Variants in STX8 observed in about 807,000 individuals in gnomAD.
STX8 encodes syntaxin 8.
STX8 carries 23 observed loss-of-function variants against 37.5 expected under a neutral mutation model. That is an observed-to-expected ratio of 0.61 (90% CI 0.44 to 0.87). The LOEUF is 0.87. Ranked by LOEUF, STX8 falls within the 40% of genes least tolerant of loss-of-function variation. The pLI is 0.00. For missense variants in STX8, 313 were observed against 284.7 expected (o/e 1.10, Z -0.71); for synonymous variants, 115 against 99.1 (o/e 1.16, Z -0.95).
chr17:9,495,707 A>C (rs1438266325), intron 5 of STX8, among the ~76,000 whole-genome samples: 1 of 152,198 alleles, frequency 6.6e-6, no homozygotes, highest in Non-Finnish European at 1.5e-5. Context: ...TGCTGCAGTA[A>C]ATTTTCATTA....
At chr17:9,528,337 C>T (rs971975210) in intron 4 of STX8, among the ~76,000 whole-genome samples, 2 of 152,222 alleles carry the variant, frequency 1.3e-5, no homozygotes, top group Non-Finnish European at 2.9e-5. Flanking sequence ...CTCGCTCTGT[C>T]GCCAGGCTGG....
At chr17:9,452,803 G>C (rs1192205352) in intron 6 of STX8, among the ~76,000 whole-genome samples, 1 of 133,838 alleles carries the variant, frequency 7.5e-6, no homozygotes, top group African/African-American at 3.0e-5. Context: ...GATGGCCCTT[G>C]TTTTTTTTTC....
At chr17:9,298,818 CAAACA>C (rs538393281) in intron 7 of STX8, among the ~76,000 whole-genome samples, 11 of 152,234 alleles carry the variant, frequency 7.2e-5, no homozygotes, top group East Asian at 1.9e-4. Context: ...GTCTCAAAAA[CAAACA>C]AAACAAAACA....
At chr17:9,451,515 A>T (rs1905040190) in intron 6 of STX8, among the ~76,000 whole-genome samples, 1 of 152,198 alleles carries the variant, frequency 6.6e-6, no homozygotes, top group Non-Finnish European at 1.5e-5. Flanking sequence ...CGTGGTGTCT[A>T]ATGAAGTGAA....
intron 4 of STX8, among the ~76,000 whole-genome samples, chr17:9,531,124 C>T (rs1015019074): frequency 4.6e-5 from 7 of 152,230 alleles, no homozygotes; most frequent in African/African-American, 1.7e-4. Flanking sequence ...TGAACCCTCT[C>T]TTTTGTTCCA....
intron 6 of STX8, among the ~76,000 whole-genome samples, chr17:9,465,543 C>T (rs1177505343): frequency 6.6e-6 from 1 of 152,064 alleles, no homozygotes; most frequent in Non-Finnish European, 1.5e-5. Context: ...ATTTTGTGTG[C>T]CGGAGAAATG....
intron 4 of STX8, among the ~76,000 whole-genome samples, chr17:9,524,821 T>TA (rs1217426308): frequency 6.6e-6 from 1 of 151,788 alleles, no homozygotes; most frequent in African/African-American, 2.4e-5. Context: ...CTGTTTTTTT[T>TA]TTTTGAGATG....
At chr17:9,266,099 T>C (rs1224281753) in intron 7 of STX8, among the ~76,000 whole-genome samples, 1 of 152,110 alleles carries the variant, frequency 6.6e-6, no homozygotes, top group Non-Finnish European at 1.5e-5. Context: ...GAAACTGCCA[T>C]CCTTAAACGT....
chr17:9,395,958 T>A (rs1912386280), intron 6 of STX8, among the ~76,000 whole-genome samples: 1 of 152,168 alleles, frequency 6.6e-6, no homozygotes, highest in South Asian at 2.1e-4. Context: ...AAGCCTTACA[T>A]TACTTAGGCG....
chr17:9,555,855 C>T (rs1427049968), intron 3 of STX8, among the ~76,000 whole-genome samples: 8 of 150,418 alleles, frequency 5.3e-5, no homozygotes, highest in East Asian at 3.9e-4. Context: ...GAGATCGCAC[C>T]GCTGCACTCC....
At chr17:9,528,485 A>G (rs565225692) in intron 4 of STX8, among the ~76,000 whole-genome samples, 2 of 151,992 alleles carry the variant, frequency 1.3e-5, no homozygotes, top group African/African-American at 2.4e-5. Context: ...TTTAGTAGAG[A>G]TGTATTTAGT....
At chr17:9,326,504 C>G (rs1909756845) in intron 7 of STX8, among the ~76,000 whole-genome samples, 1 of 152,122 alleles carries the variant, frequency 6.6e-6, no homozygotes, top group African/African-American at 2.4e-5. Flanking sequence ...CGATAAATTC[C>G]TTTTGCACTT....
intron 1 of STX8, 44 bp from the exon 2 acceptor site, chr17:9,568,514 T>C (rs773951198): frequency 1.9e-6 from 3 of 1,540,032 alleles, no homozygotes; most frequent in South Asian, 2.3e-5. Context: ...AGGTTCTTTT[T>C]TTTTGAGACG....
chr17:9,534,761 C>CT (rs1905961351), intron 4 of STX8, among the ~76,000 whole-genome samples: 2 of 151,892 alleles, frequency 1.3e-5, no homozygotes, highest in Admixed American at 1.3e-4. Flanking sequence ...GCACTCCAGC[C>CT]TGGCGACACA....
chr17:9,463,518 AC>A (rs1194990247), intron 6 of STX8, among the ~76,000 whole-genome samples: 1 of 152,108 alleles, frequency 6.6e-6, no homozygotes, highest in African/African-American at 2.4e-5. Context: ...TCACGCCTGC[AC>A]TTTGGGAGGC....
chr17:9,318,199 G>A (rs1012177974), intron 7 of STX8, among the ~76,000 whole-genome samples: 1 of 152,120 alleles, frequency 6.6e-6, no homozygotes, highest in Non-Finnish European at 1.5e-5. Context: ...GTATTTATGT[G>A]CCATGTTGGT....
At chr17:9,441,308 GAT>G (rs1385335372) in intron 6 of STX8, among the ~76,000 whole-genome samples, 28 of 151,868 alleles carry the variant, frequency 1.8e-4, no homozygotes, top group Admixed American at 1.4e-3. Flanking sequence ...TGGCCAACAT[GAT>G]GAAACCCTGT....
intron 5 of STX8, among the ~76,000 whole-genome samples, chr17:9,497,931 C>T (rs572808461): frequency 1.3e-5 from 2 of 152,306 alleles, no homozygotes; most frequent in African/African-American, 4.8e-5. Flanking sequence ...CTCTGCTAGA[C>T]AGAAAGACTC....
chr17:9,570,177 A>G (rs1205923961), intron 1 of STX8, among the ~76,000 whole-genome samples: 1 of 152,008 alleles, frequency 6.6e-6, no homozygotes, highest in Non-Finnish European at 1.5e-5. Context: ...CCCACATATC[A>G]TTTGAACACT....
Sources: gnomAD v4.1 joint callset for allele counts (sites outside exome capture counted in the v4.1 genomes callset) on GRCh38, gnomAD v4.1.1 for gene constraint, MANE v1.5 for transcripts, NCBI Gene and HGNC (gene_info 2026-07-23, HGNC 2026-07-21) for gene names.